CNR1: variants seen among roughly 807,000 people sequenced by gnomAD.
CNR1 encodes the protein cannabinoid receptor 1.
CNR1 carries 10 observed loss-of-function variants against 23.0 expected under a neutral mutation model. The observed-to-expected ratio is 0.43, with a 90% CI of 0.27 to 0.74. The LOEUF (loss-of-function observed/expected upper bound fraction) is 0.74. Ranked by LOEUF, CNR1 falls within the 30% of genes least tolerant of loss-of-function variation. CNR1 has a pLI of 0.19. For missense variants in CNR1, 422 were observed against 618.8 expected (o/e 0.68, Z 3.37); for synonymous variants, 271 against 255.2 (o/e 1.06, Z -0.59).
rs939485526 is a variant in CNR1, at chr6:88,161,364, C to T, written c.-64+4439G>A. Among the ~76,000 whole-genome samples, 27 of 152,138 alleles carry T rather than the reference C, an allele frequency of 1.8e-4. 1 individual carries two copies. Among genetic ancestry groups the T allele is most frequent in the Non-Finnish European group, 2.9e-5 (2 of 68,028 alleles). ...GAGTAAACAATTCTTCCCTCAAAAA[C>T]CCATACAAACTATGAACCTCGAGAA... On this transcript the variant is annotated intron_variant, in intron 1 of 1. Transcript: ENST00000369501.
Position 88,144,741 on chromosome 6 carries a change from G to T in CNR1, c.534C>A (p.His178Gln). Residue 178 changes from histidine to glutamine, a missense_variant, in exon 2 of 2, where the codon CAC becomes CAA. Transcript: ENST00000369501. The surrounding 1 kb of genome is among the most constrained non-coding windows in gnomAD (Gnocchi z 7.8). Reference protein sequence around the residue: ...VIFVYSFIDFHVFHRKDSRNV... With the variant: ...VIFVYSFIDFQVFHRKDSRNV... Reference sequence around the variant, plus strand: ...TGCGGCTATCTTTGCGGTGGAACACGTGGAAGTCAATGAAGCTGTAGACAA... The same window carrying T: ...TGCGGCTATCTTTGCGGTGGAACACTTGGAAGTCAATGAAGCTGTAGACAA... 1 of 1,614,198 alleles carries T rather than the reference G, an allele frequency of 6.2e-7. No homozygotes were observed. Among genetic ancestry groups the T allele is most frequent in the Non-Finnish European group, 8.5e-7 (1 of 1,180,048 alleles).
intron 1 of CNR1, chr6:88,147,613 C>T (rs890160568): frequency 6.6e-6 from 1 of 152,170 alleles, no homozygotes; most frequent in Non-Finnish European, 1.5e-5. Context: ...AAATGTGGCC[C>T]ACCTTCCCAC....
chr6:88,149,099 T>C (rs532457286), intron 1 of CNR1, among the ~76,000 whole-genome samples: 1 of 152,254 alleles, frequency 6.6e-6, no homozygotes, highest in African/African-American at 2.4e-5. Flanking sequence ...AGGCACCCAG[T>C]GTGCTGGTAC....
At chr6:88,167,101 C>CA (rs1292924040), upstream of CNR1, among the ~76,000 whole-genome samples, 1 of 151,984 alleles carries the variant, frequency 6.6e-6, no homozygotes, top group Non-Finnish European at 1.5e-5. Context: ...GTCCCCGATG[C>CA]AAACAGTTGG....
intron 1 of CNR1, among the ~76,000 whole-genome samples, chr6:88,160,727 G>A (rs1484362642): frequency 6.6e-6 from 1 of 152,040 alleles, no homozygotes; most frequent in Non-Finnish European, 1.5e-5. Flanking sequence ...GAGCTACCGC[G>A]CCTGGACTAG....
intron 1 of CNR1, among the ~76,000 whole-genome samples, chr6:88,156,381 C>T (rs904579143): frequency 6.6e-6 from 1 of 152,172 alleles, no homozygotes; most frequent in African/African-American, 2.4e-5. Context: ...ATGCTTCACA[C>T]CCATGTAAGG....
intron 1 of CNR1, among the ~76,000 whole-genome samples, chr6:88,146,718 C>A (rs1313327052): frequency 6.6e-6 from 1 of 152,086 alleles, no homozygotes; most frequent in Non-Finnish European, 1.5e-5. Flanking sequence ...ATATCTATAA[C>A]AATTAAAATA....
intron 1 of CNR1, among the ~76,000 whole-genome samples, chr6:88,148,069 A>G (rs1162212750): frequency 2.0e-5 from 3 of 152,234 alleles, no homozygotes; most frequent in Admixed American, 6.5e-5. Context: ...TCTTCTTGCC[A>G]GCCCTGGCCT....
rs1776960140 is a variant in CNR1 at position 88,143,710 on chromosome 6, A to C, written c.*146T>G. ...GTACCTAAACTATGGAAACATTAGC[A>C]AACTGATAAGTGATCATGGTGACAA... On this transcript the variant is annotated 3_prime_UTR_variant, in exon 2 of 2. Coordinates refer to ENST00000369501, the MANE Select transcript of CNR1 (RefSeq NM_016083.6). The C allele has an allele frequency of 1.5e-6, 1 of 671,692 alleles. No individual in the cohort carries two copies. Among genetic ancestry groups the C allele is most frequent in the South Asian group, 1.8e-5 (1 of 54,510 alleles). The allele number at this position is 671,692 out of a possible 1,614,324, so 41.6% of individuals were successfully genotyped here. A position where few individuals can be genotyped will look rare whatever the true frequency, so the allele number is the denominator to read the frequency against.
intron 1 of CNR1, among the ~76,000 whole-genome samples, chr6:88,159,586 CT>C (rs1220989995): frequency 6.6e-6 from 1 of 152,162 alleles, no homozygotes; most frequent in African/African-American, 2.4e-5. Context: ...AAGATTTCTC[CT>C]TTTTTGTTTA....
intron 1 of CNR1, among the ~76,000 whole-genome samples, chr6:88,153,826 A>T (rs1372372747): frequency 6.6e-6 from 1 of 152,252 alleles, no homozygotes; most frequent in Non-Finnish European, 1.5e-5. Flanking sequence ...GGCAGATGCC[A>T]TAGGCCAACA....
intron 1 of CNR1, among the ~76,000 whole-genome samples, chr6:88,165,203 T>A (rs1778306427): frequency 6.6e-6 from 1 of 152,248 alleles, no homozygotes; most frequent in Admixed American, 6.5e-5. Flanking sequence ...GATCCGTTTA[T>A]GATTTGTAAG....
At position 88,144,359 on chromosome 6, in the gene CNR1, C is replaced by T. The variant is rs568621412; in HGVS notation, c.916G>A (p.Val306Ile). The T allele has an allele frequency of 4.9e-5, 79 of 1,613,802 alleles. No individual in the cohort carries two copies. The highest frequency in any genetic ancestry group is 1.6e-4 in the South Asian group (15 of 91,072). ...TGGGTGCCACGCTGAATCATGCGGA[C>T]GGCGTGGCTGTGAGCCTTCCAGAGA... ...YILWKAHSHA[V>I]RMIQRGTQKS... The change falls in exon 2 of 2, where the codon GTC (valine) becomes ATC (isoleucine). Residue 306 changes from valine (V) to isoleucine (I), a missense_variant. Physicochemically the swap from Val to Ile is conservative, Grantham distance 29. Coordinates refer to ENST00000369501, the MANE Select transcript of CNR1 (RefSeq NM_016083.6). This position sits in a 1 kb window ranked among gnomAD's most constrained non-coding sequence, Gnocchi z 7.8.
chr6:88,152,214 CAAAAAAAAA>C (rs56141409), intron 1 of CNR1, among the ~76,000 whole-genome samples: 3 of 81,582 alleles, frequency 3.7e-5, no homozygotes, highest in African/African-American at 1.2e-4. Context: ...GACTCCGTCT[CAAAAAAAAA>C]AAAAAAAAAA....
rs1344866286 is a variant in CNR1, at chr6:88,160,636, C to T, written c.-64+5167G>A. 5.3e-5 allele frequency among the ~76,000 whole-genome samples: 8 copies of T among 152,076 alleles called. No individual in the cohort carries two copies. In the South Asian group the frequency reaches 1.2e-3, roughly 24 times the overall value. On this transcript the variant is annotated intron_variant, in intron 1 of 1. Coordinates refer to ENST00000369501, the MANE Select transcript of CNR1 (RefSeq NM_016083.6). ...TTTTAGTAGAGAAGGGGTTTCACCA[C>T]GTTGGCCAGGCTGGCCTCGAACTCC... is the stretch of plus-strand genomic sequence containing the variant.
At chr6:88,167,191 T>C (rs781422436), upstream of CNR1, among the ~76,000 whole-genome samples, 322 of 150,504 alleles carry the variant, frequency 2.1e-3, 2 homozygotes, top group Admixed American at 5.8e-3. Flanking sequence ...TCCTCGCACC[T>C]TTTCGCTGGA....
At chr6:88,151,897 T>C (rs2127843219) in intron 1 of CNR1, among the ~76,000 whole-genome samples, 1 of 152,170 alleles carries the variant, frequency 6.6e-6, no homozygotes, top group African/African-American at 2.4e-5. Flanking sequence ...TATCAGGTGC[T>C]TATTTATAAT....
rs1253263427 is a variant in CNR1 at position 88,144,392 on chromosome 6, T to C, written c.883A>G (p.Met295Val). Residue 295 changes from methionine (M) to valine (V), a missense_variant, in exon 2 of 2, where the codon ATG (methionine) becomes GTG (valine). Around this residue, in one of 4 missense-constraint regions of CNR1, gnomAD observed 211 missense variants for 357.3 expected, o/e 0.59. Transcript: ENST00000369501. The surrounding 1 kb of genome is among the most constrained non-coding windows in gnomAD (Gnocchi z 7.8). ...VLLLFIVYAY[M>V]YILWKAHSHA... ...CTGTGAGCCTTCCAGAGAATATACATGTACGCATACACGATGAACAGAAGC... is the reference window on the plus strand; with the variant it reads ...CTGTGAGCCTTCCAGAGAATATACACGTACGCATACACGATGAACAGAAGC... 4 of 1,613,946 alleles carry C rather than the reference T, an allele frequency of 2.5e-6. No individual in the cohort carries two copies. The highest frequency in any genetic ancestry group is 2.7e-5 in the African/African-American group (2 of 74,922).
At chr6:88,150,782 A>T (rs1305219590) in intron 1 of CNR1, among the ~76,000 whole-genome samples, 1 of 152,236 alleles carries the variant, frequency 6.6e-6, no homozygotes, top group Non-Finnish European at 1.5e-5. Flanking sequence ...CAGCTCTCTC[A>T]TATATTGTGA....
Sources: allele counts gnomAD v4.1 joint callset (sites outside exome capture counted in the v4.1 genomes callset), GRCh38; gene constraint gnomAD v4.1.1; regional missense constraint gnomAD v4.1.1; non-coding constraint Gnocchi (gnomAD v3.1); transcripts MANE v1.5; gene names NCBI Gene and HGNC (gene_info 2026-07-23, HGNC 2026-07-21).